The following GABRB2 variants were observed in gnomAD, a reference collection of about 807,000 sequenced individuals.
GABRB2 encodes gamma-aminobutyric acid type A receptor subunit beta2.
Under a neutral mutation model 54.7 loss-of-function variants are expected in GABRB2, and 16 were observed. The observed-to-expected ratio is 0.29, with a 90% CI of 0.20 to 0.44. The LOEUF is 0.44. GABRB2 is among the 20% of genes least tolerant of loss of function. The pLI, the probability that GABRB2 is intolerant of heterozygous loss-of-function variation, is 1.00. For synonymous variants in GABRB2, 244 were observed against 233.8 expected, an observed-to-expected ratio of 1.04 and a Z score of -0.40; for missense variants, 355 against 644.0, an observed-to-expected ratio of 0.55 and a Z score of 4.86.
At chr5:161,469,159 T>C (rs183999068) in intron 3 of GABRB2, among the ~76,000 whole-genome samples, 1 of 151,934 alleles carries the variant, frequency 6.6e-6, no homozygotes, top group Non-Finnish European at 1.5e-5. Flanking sequence ...TTTTTGTTAA[T>C]CTGTGTTTTT....
chr5:161,329,576 A>G (rs1030138699), intron 8 of GABRB2: 1 of 152,222 alleles, frequency 6.6e-6, no homozygotes, highest in Non-Finnish European at 1.5e-5. Context: ...AAGCTTCCAT[A>G]TGGTTTGCTC....
intron 5 of GABRB2, among the ~76,000 whole-genome samples, chr5:161,381,550 A>G (rs543720038): frequency 2.6e-5 from 4 of 152,254 alleles, no homozygotes; most frequent in African/African-American, 9.6e-5. Flanking sequence ...TGGTTGATGC[A>G]TTGAGACAAC....
intron 7 of GABRB2, 42 bp downstream of exon 7, chr5:161,334,710 C>A (rs745855999): frequency 1.2e-6 from 2 of 1,604,962 alleles, no homozygotes; most frequent in Non-Finnish European, 8.5e-7. Flanking sequence ...CAGAAATGTA[C>A]ACACAGAGTC....
chr5:161,384,702 A>G (rs1167112807), intron 5 of GABRB2, among the ~76,000 whole-genome samples: 3 of 152,202 alleles, frequency 2.0e-5, no homozygotes, highest in Admixed American at 1.3e-4. Context: ...CAGAGACAAC[A>G]TAAGAGAGTT....
intron 5 of GABRB2, among the ~76,000 whole-genome samples, chr5:161,356,952 G>A (rs1754649095): frequency 6.6e-6 from 1 of 152,162 alleles, no homozygotes; most frequent in Non-Finnish European, 1.5e-5. Context: ...CACTGCACTT[G>A]GCACTTATGG....
At chr5:161,394,101 A>G (rs1755922146) in intron 5 of GABRB2, among the ~76,000 whole-genome samples, 2 of 152,072 alleles carry the variant, frequency 1.3e-5, no homozygotes, top group African/African-American at 4.8e-5. Context: ...AAGTAAAACA[A>G]TACATTTCCA....
At chr5:161,428,288 C>T (rs4348250) in intron 4 of GABRB2, among the ~76,000 whole-genome samples, 4,285 of 145,272 alleles carry the variant, frequency 0.029, 231 homozygotes, top group African/African-American at 0.1. Flanking sequence ...CAGAGAGTTA[C>T]GTGTGTGTGT....
chr5:161,493,780 G>A (rs1438457918), intron 3 of GABRB2, among the ~76,000 whole-genome samples: 1 of 151,728 alleles, frequency 6.6e-6, no homozygotes, highest in African/African-American at 2.4e-5. Context: ...CTACCAATTT[G>A]ATAGAAGTAT....
intron 9 of GABRB2, among the ~76,000 whole-genome samples, chr5:161,321,184 T>C (rs1758197658): frequency 6.6e-6 from 1 of 152,074 alleles, no homozygotes; most frequent in African/African-American, 2.4e-5. Flanking sequence ...ATGTTATCTA[T>C]GCTAATTTTA....
At chr5:161,385,695 C>G (rs964413857) in intron 5 of GABRB2, among the ~76,000 whole-genome samples, 1 of 152,148 alleles carries the variant, frequency 6.6e-6, no homozygotes, top group Non-Finnish European at 1.5e-5. Context: ...TATTGGGTGA[C>G]ACAAACATGA....
At chr5:161,304,199 ATT>A (rs1281438788) in intron 9 of GABRB2, among the ~76,000 whole-genome samples, 1 of 152,218 alleles carries the variant, frequency 6.6e-6, no homozygotes, top group African/African-American at 2.4e-5. Flanking sequence ...TCTGAAGGAC[ATT>A]TAAATTCCAA....
chr5:161,536,099 A>T (rs563667761), intron 3 of GABRB2, among the ~76,000 whole-genome samples: 1 of 152,288 alleles, frequency 6.6e-6, no homozygotes, highest in Admixed American at 6.5e-5. Context: ...CGGAATAGTG[A>T]ACCAAATAAA....
chr5:161,341,955 A>ATT (rs1269853801), intron 5 of GABRB2, among the ~76,000 whole-genome samples: 1 of 74,158 alleles, frequency 1.3e-5, no homozygotes, highest in African/African-American at 3.6e-5. Flanking sequence ...ATATATATAT[A>ATT]TATATATATA....
chr5:161,311,411 T>TATTC (rs1193847278), intron 9 of GABRB2, among the ~76,000 whole-genome samples: 1 of 152,242 alleles, frequency 6.6e-6, no homozygotes, highest in East Asian at 1.9e-4. Flanking sequence ...TCTAGATTTA[T>TATTC]ATTCCAGCTT....
intron 5 of GABRB2, among the ~76,000 whole-genome samples, chr5:161,384,401 G>A (rs1358246505): frequency 6.6e-6 from 1 of 152,182 alleles, no homozygotes; most frequent in African/African-American, 2.4e-5. Flanking sequence ...GGAGTGAGGT[G>A]AGACATGCTT....
At position 161,410,532 on chromosome 5, in the gene GABRB2, A is replaced by G. The variant is rs574894469; in HGVS notation, c.541+443T>C. Among the ~76,000 whole-genome samples, 19 of 152,272 alleles carry G rather than the reference A, an allele frequency of 1.2e-4. No homozygotes were observed. In the South Asian group the frequency reaches 3.9e-3, roughly 32 times the overall value. ...CATTCTATAAAACCTTACTCTATGA[A>G]TGTTTTAACTAATCTGAAAGACCAC... On this transcript the variant is annotated intron_variant, in intron 5 of 9. Coordinates refer to ENST00000393959, the MANE Select transcript of GABRB2 (RefSeq NM_001371727.1).
At chr5:161,473,714 T>A (rs1758510768) in intron 3 of GABRB2, among the ~76,000 whole-genome samples, 1 of 151,936 alleles carries the variant, frequency 6.6e-6, no homozygotes, top group African/African-American at 2.4e-5. Context: ...AATAGAAAAA[T>A]CCTATTTGAA....
At chr5:161,392,144 A>T (rs896189874) in intron 5 of GABRB2, among the ~76,000 whole-genome samples, 3 of 152,054 alleles carry the variant, frequency 2.0e-5, no homozygotes, top group African/African-American at 7.2e-5. Flanking sequence ...GCCCCTTCTC[A>T]TCATGGCCTC....
At chr5:161,403,354 G>C (rs974828193) in intron 5 of GABRB2, among the ~76,000 whole-genome samples, 2 of 152,106 alleles carry the variant, frequency 1.3e-5, no homozygotes, top group African/African-American at 4.8e-5. Context: ...CTCTTAAAGA[G>C]GGAGACTGGT....
Sources: allele counts gnomAD v4.1 joint callset (sites outside exome capture counted in the v4.1 genomes callset), GRCh38; gene constraint gnomAD v4.1.1; transcripts MANE v1.5; gene names NCBI Gene and HGNC (gene_info 2026-07-23, HGNC 2026-07-21).